STARD13: variants seen among roughly 807,000 people sequenced by gnomAD.
STARD13 encodes StAR related lipid transfer domain containing 13, also known as stAR-related lipid transfer protein 13.
STARD13 carries 62 observed loss-of-function variants against 106.4 expected under a neutral mutation model. That is an observed-to-expected ratio of 0.58 (90% CI 0.48 to 0.72). STARD13 has a LOEUF of 0.72. Ranked by LOEUF, STARD13 falls within the 30% of genes least tolerant of loss-of-function variation. The pLI is 0.00. For missense variants in STARD13, 1,387 were observed against 1,424.0 expected (o/e 0.97, Z 0.42); for synonymous variants, 565 against 553.0 (o/e 1.02, Z -0.31).
chr13:33,329,972 G>A (rs2077818680), intron 1 of STARD13, among the ~76,000 whole-genome samples: 1 of 152,080 alleles, frequency 6.6e-6, no homozygotes, highest in Admixed American at 6.6e-5. Flanking sequence ...CCAAAGTGCT[G>A]GGATTACAGG....
chr13:33,301,071 A>G (rs1439376261), intron 1 of STARD13, among the ~76,000 whole-genome samples: 1 of 152,240 alleles, frequency 6.6e-6, no homozygotes, highest in East Asian at 1.9e-4. Context: ...TTTTGGGGAC[A>G]TGATTATTTG....
At chr13:33,287,228 C>T (rs1187542038), upstream of STARD13, among the ~76,000 whole-genome samples, 3 of 152,134 alleles carry the variant, frequency 2.0e-5, no homozygotes, top group Non-Finnish European at 2.9e-5. Context: ...TCTGGCTCTC[C>T]GAGGCCCATA....
the STARD13 span, among the ~76,000 whole-genome samples, chr13:33,615,247 G>A: frequency 6.6e-6 from 1 of 152,098 alleles, no homozygotes; most frequent in African/African-American, 2.4e-5. Flanking sequence ...ACTTGAGGGT[G>A]GGAGTCAATT....
chr13:33,526,097 CTAA>C, the STARD13 span, among the ~76,000 whole-genome samples: 1 of 151,722 alleles, frequency 6.6e-6, no homozygotes, highest in Non-Finnish European at 1.5e-5. Flanking sequence ...ATTATAGTAG[CTAA>C]TATTTTCTGA....
chr13:33,327,983 T>C (rs2077795425), intron 1 of STARD13, among the ~76,000 whole-genome samples: 1 of 152,244 alleles, frequency 6.6e-6, no homozygotes, highest in Admixed American at 6.5e-5. Context: ...AGGCCACTAA[T>C]ATCATTTGAA....
chr13:33,155,820 C>T (rs1881884784), intron 3 of STARD13, among the ~76,000 whole-genome samples: 2 of 152,044 alleles, frequency 1.3e-5, no homozygotes, highest in Non-Finnish European at 2.9e-5. Context: ...AAGCTAAAAG[C>T]AATACAAATA....
In STARD13 at chr13:33,112,730, C is replaced by T. The variant is rs369558585; in HGVS notation, c.2483G>A (p.Ser828Asn). 4 of 1,598,140 alleles carry T rather than the reference C, an allele frequency of 2.5e-6. No individual in the cohort carries two copies. In the African/African-American group the frequency reaches 5.4e-5, roughly 22 times the overall value. Residue 828 changes from serine to asparagine, a missense_variant, in exon 9 of 14, where the codon AGC (serine) becomes AAC (asparagine). Transcript: ENST00000336934. Reference sequence around the variant, plus strand: ...GAGAAAAAAAACCCACCGTGGAGAGCTTTCTTTCTTCAATAAATTAAGATG... The same window carrying T: ...GAGAAAAAAAACCCACCGTGGAGAGTTTTCTTTCTTCAATAAATTAAGATG... ...LFHLNLLKKE[S>N]SPRVIQKKYA...
intron 1 of STARD13, among the ~76,000 whole-genome samples, chr13:33,247,221 T>TA (rs1566096488): frequency 4.4e-5 from 4 of 90,588 alleles, no homozygotes; most frequent in African/African-American, 1.1e-4. Flanking sequence ...ATAAATAAAT[T>TA]AAATAAATAA....
the STARD13 span, among the ~76,000 whole-genome samples, chr13:33,591,036 A>G: frequency 6.6e-6 from 1 of 152,266 alleles, no homozygotes; most frequent in Non-Finnish European, 1.5e-5. Context: ...TATTCTAATA[A>G]CATTTGGAAT....
Position 33,253,522 on chromosome 13 carries a change from G to A in STARD13, c.169+31948C>T, listed in dbSNP as rs74045745. On this transcript the variant is annotated intron_variant, in intron 1 of 13. Coordinates refer to ENST00000336934, the MANE Select transcript of STARD13 (RefSeq NM_178006.4). ...TTCCACCTACAACAAGGGCCGCAGC[G>A]TGTATTTATAAGATGAAGCATGCTG... Among the ~76,000 whole-genome samples the A allele has an allele frequency of 2.9e-3, 445 of 152,310 alleles. 3 individuals are homozygous for A. Among genetic ancestry groups the A allele is most frequent in the African/African-American group, 9.8e-3 (408 of 41,570 alleles).
intron 4 of STARD13, among the ~76,000 whole-genome samples, chr13:33,136,645 C>G (rs1449476989): frequency 6.6e-6 from 1 of 152,230 alleles, no homozygotes; most frequent in South Asian, 2.1e-4. Flanking sequence ...GGCACTCCCC[C>G]ATTCTGAGCC....
chr13:33,493,871 G>A, the STARD13 span, among the ~76,000 whole-genome samples: 1 of 152,150 alleles, frequency 6.6e-6, no homozygotes, highest in Non-Finnish European at 1.5e-5. Context: ...CAAGGTCAAA[G>A]GTAGGTCTGA....
At chr13:33,121,344 AT>A (rs546451914) in intron 7 of STARD13, among the ~76,000 whole-genome samples, 52 of 152,030 alleles carry the variant, frequency 3.4e-4, no homozygotes, top group African/African-American at 1.3e-3. Context: ...AGGTGGTTGG[AT>A]TGTCTGAGGT....
At chr13:33,614,289 G>GTGTGTGTGTGTGTA in the STARD13 span, among the ~76,000 whole-genome samples, 1 of 151,946 alleles carries the variant, frequency 6.6e-6, no homozygotes, top group Admixed American at 6.6e-5. Context: ...GTGTGTGTGT[G>GTGTGTGTGTGTGTA]TGTGTGTTTC....
chr13:33,552,267 A>G, the STARD13 span, among the ~76,000 whole-genome samples: 1 of 152,126 alleles, frequency 6.6e-6, no homozygotes, highest in Non-Finnish European at 1.5e-5. Flanking sequence ...ATCACTTAAC[A>G]CTTACACAAC....
rs139807515 is a variant in STARD13 at position 33,189,387 on chromosome 13, C to T, written c.170-21765G>A. On this transcript the variant is annotated intron_variant, in intron 1 of 13. Coordinates refer to ENST00000336934, the MANE Select transcript of STARD13 (RefSeq NM_178006.4). ...AGGAGGGCAGGAAGGGAACGACAAA[C>T]CAGAGAGTCCCTTCCCTTTCCTCCT... Among the ~76,000 whole-genome samples the T allele has an allele frequency of 9.8e-3, 1,272 of 129,378 alleles. 22 individuals are homozygous for T. The highest frequency in any genetic ancestry group is 0.03 in the African/African-American group (1,085 of 35,622). The allele number at this position is 129,378 out of a possible 152,430, so 84.9% of individuals were successfully genotyped here.
intron 10 of STARD13, 74 bp downstream of exon 10, chr13:33,111,704 G>A (rs1016304923): frequency 4.5e-6 from 4 of 883,114 alleles, no homozygotes; most frequent in Non-Finnish European, 7.6e-6. Flanking sequence ...AACCATAAAT[G>A]TAGCAACAAT....
the STARD13 span, among the ~76,000 whole-genome samples, chr13:33,675,888 A>T: frequency 1.3e-5 from 2 of 152,188 alleles, no homozygotes; most frequent in Non-Finnish European, 2.9e-5. Flanking sequence ...AGCTAGCTAA[A>T]AGCATCGAGT....
chr13:33,153,486 A>T (rs988014160), intron 3 of STARD13, among the ~76,000 whole-genome samples: 1 of 152,204 alleles, frequency 6.6e-6, no homozygotes, highest in Middle Eastern at 3.4e-3. Context: ...GCCGGGAGGG[A>T]TGTTAAGCAG....
Sources: allele counts gnomAD v4.1 joint callset (sites outside exome capture counted in the v4.1 genomes callset), GRCh38; gene constraint gnomAD v4.1.1; transcripts MANE v1.5; gene names NCBI Gene and HGNC (gene_info 2026-07-23, HGNC 2026-07-21).